SCAI: variants seen among roughly 807,000 people sequenced by gnomAD.
SCAI encodes protein SCAI.
A neutral mutation model predicts 92.2 loss-of-function variants in SCAI; 24 were observed. The observed-to-expected ratio is 0.26, with a 90% confidence interval of 0.19 to 0.37. The LOEUF is 0.37. Ranked by LOEUF, SCAI falls within the 10% of genes least tolerant of loss-of-function variation. The pLI is 1.00. For synonymous variants in SCAI, 261 were observed against 258.6 expected, an observed-to-expected ratio of 1.01 and a Z score of -0.09; for missense variants, 450 against 736.2, an observed-to-expected ratio of 0.61 and a Z score of 4.50.
At chr9:125,094,664 GCTA>G (rs975150294) in intron 2 of SCAI, among the ~76,000 whole-genome samples, 84 of 152,226 alleles carry the variant, frequency 5.5e-4, no homozygotes, top group African/African-American at 1.9e-3. Flanking sequence ...ACCACGCCCA[GCTA>G]CTTTTTGTGT....
intron 2 of SCAI, among the ~76,000 whole-genome samples, chr9:125,125,831 C>CA (rs34484716): frequency 0.054 from 4,464 of 81,928 alleles, 435 homozygotes; most frequent in East Asian, 0.35. Flanking sequence ...GACTTTGTCT[C>CA]AAAAAAAAAA....
chr9:124,999,897 AT>A lies in SCAI; in HGVS notation c.1237del (p.Met413CysfsTer40). ...TAGACACCAGAATACATACCAGTGC[AT>A]TTCCTTGTGGGACTGATTTCGTTTG... Reference protein sequence around the residue: ...IHKRNQSHKEMHCLHPGDLYP... With the variant: ...IHKRNQSHKEXHCLHPGDLYP... On this transcript the variant is annotated frameshift_variant, in exon 13 of 18. Transcript: ENST00000336505. LOFTEE classifies it high-confidence loss of function. 6.5e-7 allele frequency: 1 copy of A among 1,529,214 alleles called. No homozygotes were observed. The highest frequency in any genetic ancestry group is 9.0e-7 in the Non-Finnish European group (1 of 1,110,298). 94.7% of individuals were successfully genotyped at this position (1,529,214 alleles called of 1,614,324 possible). A position where few individuals can be genotyped will look rare whatever the true frequency, so the allele number is the denominator to read the frequency against.
At chr9:125,124,031 C>T (rs528570329) in intron 2 of SCAI, among the ~76,000 whole-genome samples, 1 of 152,282 alleles carries the variant, frequency 6.6e-6, no homozygotes, top group East Asian at 1.9e-4. Flanking sequence ...AAAACAGCTG[C>T]CAAGTTTATG....
At chr9:125,003,311 AT>A in intron 10 of SCAI, 96 bp from the exon 11 acceptor site, 1 of 1,077,848 alleles carries the variant, frequency 9.3e-7, no homozygotes, top group Admixed American at 1.7e-5. Flanking sequence ...AGGAAGTCTT[AT>A]TTTCACACTC....
At chr9:125,130,540 A>G (rs1340921450) in intron 2 of SCAI, among the ~76,000 whole-genome samples, 2 of 151,896 alleles carry the variant, frequency 1.3e-5, no homozygotes, top group East Asian at 1.9e-4. Context: ...TTTGAGATGG[A>G]GTCTGGCTCT....
chr9:125,000,558 C>T (rs1832335587), intron 12 of SCAI, among the ~76,000 whole-genome samples: 1 of 150,004 alleles, frequency 6.7e-6, no homozygotes, highest in Non-Finnish European at 1.5e-5. Flanking sequence ...ACTATGATCA[C>T]ACCATTGCAC....
At position 124,974,447 on chromosome 9, in the gene SCAI, C is replaced by CAAA. The variant is rs34233299; in HGVS notation, c.1399+1664_1399+1666dup. 1.4e-4 allele frequency among the ~76,000 whole-genome samples: 13 copies of CAAA among 92,664 alleles called. No homozygotes were observed. The East Asian group carries it at 1.8e-3, about 13-fold the overall frequency. The allele number at this position is 92,664 out of a possible 152,430, so 60.8% of individuals were successfully genotyped here. On this transcript the variant is annotated intron_variant, in intron 15 of 17. Coordinates refer to ENST00000336505, the MANE Select transcript of SCAI (RefSeq NM_001144877.3). The stretch of plus-strand genomic sequence containing the variant: ...TGAGTGACAGAGTGAGACCCCATCT[C>CAAA]AAAAAAAAAAAAAAAAAAATTGAAT...
intron 6 of SCAI, among the ~76,000 whole-genome samples, chr9:125,024,088 G>T (rs62584362): frequency 1.3e-5 from 2 of 151,902 alleles, no homozygotes; most frequent in Non-Finnish European, 2.9e-5. Context: ...CATAACTGGA[G>T]TTTATTTTCC....
chr9:125,045,454 C>T (rs866268339), intron 3 of SCAI, among the ~76,000 whole-genome samples: 3 of 152,186 alleles, frequency 2.0e-5, no homozygotes, highest in African/African-American at 7.2e-5. Flanking sequence ...AATCCTCTCA[C>T]CTCAACCTCT....
intron 2 of SCAI, among the ~76,000 whole-genome samples, chr9:125,131,407 CAAAA>C (rs200932061): frequency 1.6e-5 from 1 of 63,318 alleles, no homozygotes; most frequent in Non-Finnish European, 3.5e-5. Context: ...GACTCCGTCT[CAAAA>C]AAAAAAAAAA....
chr9:125,042,664 C>CACACACACACACACACACACACACACAT (rs139156398), intron 3 of SCAI, among the ~76,000 whole-genome samples: 1 of 129,760 alleles, frequency 7.7e-6, no homozygotes, highest in African/African-American at 2.8e-5. Context: ...CACACACACA[C>CACACACACACACACACACACACACACAT]ACATATACAA....
At chr9:124,997,158 C>T (rs1178037437) in intron 13 of SCAI, among the ~76,000 whole-genome samples, 1 of 152,102 alleles carries the variant, frequency 6.6e-6, no homozygotes, top group East Asian at 1.9e-4. Flanking sequence ...ACGAAAAATG[C>T]TCCAAAATCC....
Position 124,971,953 on chromosome 9 carries a change from C to T in SCAI, c.1400-109G>A, listed in dbSNP as rs1468808298. ...ATAATATATAAAATTAAAGCTATCT[C>T]ATTAAATCATAATTCATCAAAGCAG... On this transcript the variant is annotated intron_variant, in intron 15 of 17. Coordinates refer to ENST00000336505, the MANE Select transcript of SCAI (RefSeq NM_001144877.3). 2.0e-5 allele frequency: 11 copies of T among 554,634 alleles called. No individual in the cohort carries two copies. In the East Asian group the frequency reaches 3.8e-4, roughly 19 times the overall value. 34.4% of individuals were successfully genotyped at this position (554,634 alleles called of 1,614,324 possible).
intron 9 of SCAI, among the ~76,000 whole-genome samples, chr9:125,009,183 G>T (rs1436340344): frequency 6.6e-6 from 1 of 152,060 alleles, no homozygotes; most frequent in Admixed American, 6.5e-5. Context: ...TATAGAAGAA[G>T]CAGGATTGGA....
chr9:125,042,134 T>A (rs1833327848), intron 3 of SCAI, among the ~76,000 whole-genome samples: 1 of 152,200 alleles, frequency 6.6e-6, no homozygotes, highest in Non-Finnish European at 1.5e-5. Flanking sequence ...TTAAGTGACC[T>A]TATATTTCAC....
chr9:124,992,267 C>G (rs1832143519), intron 14 of SCAI, among the ~76,000 whole-genome samples: 1 of 151,836 alleles, frequency 6.6e-6, no homozygotes, highest in African/African-American at 2.4e-5. Flanking sequence ...TTATATGCTA[C>G]CAAAGAGAAC....
rs137882697 is a variant in SCAI, at chr9:125,003,123, C to T, written c.1056G>A (p.Ala352=). 95 of 1,608,720 alleles carry T rather than the reference C, an allele frequency of 5.9e-5. No homozygotes were observed. In the African/African-American group the frequency reaches 9.9e-4, roughly 17 times the overall value. ...TFSQLYTFLA[A]SFKELPANSV... ...ACTGGATCACACATACCTTAAAAGACGCTGCTAAGAAGGTATATAGCTGGC... is the reference window on the plus strand; with the variant it reads ...ACTGGATCACACATACCTTAAAAGATGCTGCTAAGAAGGTATATAGCTGGC... Residue 352 remains alanine, a synonymous_variant, in exon 11 of 18, where the codon GCG becomes GCA. Transcript: ENST00000336505.
At chr9:125,093,694 T>C (rs1834489670) in intron 2 of SCAI, among the ~76,000 whole-genome samples, 1 of 151,624 alleles carries the variant, frequency 6.6e-6, no homozygotes, top group Middle Eastern at 3.2e-3. Flanking sequence ...GCCTCCCGAG[T>C]AGCTGGGACT....
At chr9:125,129,258 T>C (rs1017716074) in intron 2 of SCAI, among the ~76,000 whole-genome samples, 1 of 151,062 alleles carries the variant, frequency 6.6e-6, no homozygotes, top group African/African-American at 2.4e-5. Flanking sequence ...CTGGTTAACA[T>C]GGTGAAACCC....
Sources: gnomAD v4.1 joint callset for allele counts (sites outside exome capture counted in the v4.1 genomes callset) on GRCh38, gnomAD v4.1.1 for gene constraint, MANE v1.5 for transcripts, NCBI Gene and HGNC (gene_info 2026-07-23, HGNC 2026-07-21) for gene names.